TRPC4AP: variants seen among roughly 807,000 people sequenced by gnomAD.
The protein encoded by TRPC4AP is short transient receptor potential channel 4-associated protein.
In TRPC4AP, 45 loss-of-function variants were observed where a neutral mutation model predicts 99.0. The ratio of observed to expected loss-of-function variants is 0.45; its 90% CI spans 0.36 to 0.58. The LOEUF is 0.58. Among genes scored for constraint, TRPC4AP ranks in the 20% least tolerant of loss-of-function variants. TRPC4AP has a pLI of 0.00. For synonymous variants in TRPC4AP, 408 were observed against 385.8 expected (o/e 1.06, Z -0.67); for missense variants, 879 against 985.3 (o/e 0.89, Z 1.44).
At chr20:35,043,409 G>A (rs2083486060) in intron 7 of TRPC4AP, among the ~76,000 whole-genome samples, 1 of 152,072 alleles carries the variant, frequency 6.6e-6, no homozygotes, top group South Asian at 2.1e-4. Context: ...ACCACACCCA[G>A]CTAATTTTTG....
At position 35,034,000 on chromosome 20, in the gene TRPC4AP, C is replaced by T. The variant is rs1195581749; in HGVS notation, c.1051+1123G>A. Among the ~76,000 whole-genome samples the T allele has an allele frequency of 1.7e-4, 9 of 53,206 alleles. 3 individuals are homozygous for T. Among genetic ancestry groups the T allele is most frequent in the African/African-American group, 5.4e-4 (9 of 16,556 alleles). 34.9% of individuals were successfully genotyped at this position (53,206 alleles called of 152,430 possible). ...CTCTACTAAAAATACAAAAAATTAG[C>T]CGGGCGCGGTGGCGGGCGCCTGTAG... On this transcript the variant is annotated intron_variant, in intron 8 of 18. Transcript: ENST00000252015.
chr20:35,021,100 T>C, intron 9 of TRPC4AP, 90 bp downstream of exon 9: 1 of 1,435,422 alleles, frequency 7.0e-7, no homozygotes, highest in Non-Finnish European at 9.5e-7. Context: ...AGAGCCATTC[T>C]AACAGAAGGC....
At chr20:35,017,684 A>T (rs1272218126) in intron 9 of TRPC4AP, among the ~76,000 whole-genome samples, 2 of 152,214 alleles carry the variant, frequency 1.3e-5, no homozygotes, top group African/African-American at 4.8e-5. Context: ...TTTCTAGCCC[A>T]CTACAGGTAT....
rs1491112111 is a variant in TRPC4AP at position 35,086,428 on chromosome 20, CAT to C, written c.168+6184_168+6185del. 1.0e-3 allele frequency among the ~76,000 whole-genome samples: 124 copies of C among 118,998 alleles called. 1 individual carries two copies. The highest frequency in any genetic ancestry group is 2.4e-3 in the African/African-American group (79 of 32,558). 78.1% of individuals were successfully genotyped at this position (118,998 alleles called of 152,430 possible). ...GAAAACTTCCCATTGAAATGAATGGCATATGTGTGTGTGTGTGTGTGTGTGTG... is the reference window on the plus strand; with the variant it reads ...GAAAACTTCCCATTGAAATGAATGGCATGTGTGTGTGTGTGTGTGTGTGTG... On this transcript the variant is annotated intron_variant, in intron 1 of 18. Coordinates refer to ENST00000252015, the MANE Select transcript of TRPC4AP (RefSeq NM_015638.3).
At chr20:35,085,187 C>CA (rs2084805180) in intron 1 of TRPC4AP, among the ~76,000 whole-genome samples, 1 of 152,186 alleles carries the variant, frequency 6.6e-6, no homozygotes, top group South Asian at 2.1e-4. Flanking sequence ...GCAAAGCAGG[C>CA]AGGGCACTGC....
intron 6 of TRPC4AP, among the ~76,000 whole-genome samples, chr20:35,049,528 A>G (rs1301200559): frequency 1.3e-5 from 2 of 152,242 alleles, no homozygotes; most frequent in African/African-American, 4.8e-5. Context: ...AGCATACAAT[A>G]GCACATACAT....
chr20:35,066,654 T>C (rs2084152211), intron 3 of TRPC4AP, among the ~76,000 whole-genome samples: 1 of 152,024 alleles, frequency 6.6e-6, no homozygotes, highest in African/African-American at 2.4e-5. Flanking sequence ...TGTAAAATAT[T>C]AGAAGGAAAT....
intron 1 of TRPC4AP, among the ~76,000 whole-genome samples, chr20:35,089,931 G>A (rs897907081): frequency 6.6e-6 from 1 of 151,506 alleles, no homozygotes; most frequent in Non-Finnish European, 1.5e-5. Context: ...GGTAATCTGG[G>A]CAACAGAGCA....
At position 35,057,653 on chromosome 20, in the gene TRPC4AP, C is replaced by T. The variant is rs558041659; in HGVS notation, c.415-82G>A. On this transcript the variant is annotated intron_variant, in intron 3 of 18. Transcript: ENST00000252015. Reference sequence around the variant, plus strand: ...TGATTTTGCCATAACCATTCATGGCCCATGTATCTGTCACAGTATTACAAG... The same window carrying T: ...TGATTTTGCCATAACCATTCATGGCTCATGTATCTGTCACAGTATTACAAG... The T allele has an allele frequency of 1.2e-5, 13 of 1,129,556 alleles. No individual in the cohort carries two copies. In the African/African-American group the frequency reaches 2.0e-4, roughly 18 times the overall value. 70.0% of individuals were successfully genotyped at this position (1,129,556 alleles called of 1,614,324 possible). A position where few individuals can be genotyped will look rare whatever the true frequency, so the allele number is the denominator to read the frequency against.
rs1416123441 is a variant in TRPC4AP, at chr20:35,078,223, T to C, written c.169-49A>G. ...CATATTATTGTATTATTGATGATAA[T>C]AGCTGATACGGCAAAGGAGAGCAGC... On this transcript the variant is annotated intron_variant, in intron 1 of 18. Transcript: ENST00000252015. 7.6e-6 allele frequency: 12 copies of C among 1,584,240 alleles called. No individual in the cohort carries two copies. The South Asian group carries it at 7.9e-5, about 10-fold the overall frequency.
chr20:35,080,903 C>T (rs548787500), intron 1 of TRPC4AP, among the ~76,000 whole-genome samples: 18 of 151,546 alleles, frequency 1.2e-4, no homozygotes, highest in African/African-American at 4.4e-4. Context: ...AATAAAGCTG[C>T]TATAAAAACT....
At chr20:35,017,506 G>A (rs2082782282) in intron 9 of TRPC4AP, among the ~76,000 whole-genome samples, 1 of 152,132 alleles carries the variant, frequency 6.6e-6, no homozygotes, top group Admixed American at 6.5e-5. Context: ...GCCCTTCTCG[G>A]GGCTGTTGTA....
At position 35,016,290 on chromosome 20, in the gene TRPC4AP, T is replaced by G. The variant is rs535290514; in HGVS notation, c.1219-151A>C. 3 of 875,512 alleles carry G rather than the reference T, an allele frequency of 3.4e-6. No homozygotes were observed. The Admixed American group carries it at 7.0e-5, about 20-fold the overall frequency. 54.2% of individuals were successfully genotyped at this position (875,512 alleles called of 1,614,324 possible). ...AGGGTCTGAAGAAAACATCCGTGTA[T>G]CCCCTATGCCCAGCACACACAAACC... On this transcript the variant is annotated intron_variant, in intron 9 of 18. Coordinates refer to ENST00000252015, the MANE Select transcript of TRPC4AP (RefSeq NM_015638.3).
chr20:35,071,084 AT>A (rs1345462448), intron 2 of TRPC4AP, among the ~76,000 whole-genome samples: 6 of 152,304 alleles, frequency 3.9e-5, no homozygotes, highest in South Asian at 4.1e-4. Context: ...AGCTATAATT[AT>A]TTCTATCAGA....
chr20:35,029,628 CTTTTTTTTTTTT>C (rs35372826), intron 8 of TRPC4AP, among the ~76,000 whole-genome samples: 5 of 39,374 alleles, frequency 1.3e-4, no homozygotes, highest in Admixed American at 9.1e-4. Flanking sequence ...AAGTTACTTT[CTTTTTTTTTTTT>C]TTTTTTTTTT....
intron 8 of TRPC4AP, among the ~76,000 whole-genome samples, chr20:35,034,590 G>C (rs528402993): frequency 5.9e-5 from 9 of 152,186 alleles, no homozygotes; most frequent in African/African-American, 2.2e-4. Flanking sequence ...TGGGAGCTGA[G>C]AATTCCTGGG....
Position 35,044,490 on chromosome 20 carries a change from A to T in TRPC4AP, c.865+15T>A. ...GAGCTATAATCTCAAAATTCTGAGAACTTGGAGACTTTACCTTGATTGATT... is the reference window on the plus strand; with the variant it reads ...GAGCTATAATCTCAAAATTCTGAGATCTTGGAGACTTTACCTTGATTGATT... On this transcript the variant is annotated intron_variant, in intron 7 of 18. Coordinates refer to ENST00000252015, the MANE Select transcript of TRPC4AP (RefSeq NM_015638.3). 1.9e-6 allele frequency: 3 copies of T among 1,608,834 alleles called. 1 individual carries two copies. In the South Asian group the frequency reaches 3.3e-5, roughly 18 times the overall value.
intron 9 of TRPC4AP, among the ~76,000 whole-genome samples, chr20:35,019,046 T>G (rs1163554953): frequency 6.6e-6 from 1 of 152,198 alleles, no homozygotes; most frequent in East Asian, 1.9e-4. Context: ...GCCTTTCCAG[T>G]CCTGAGATTT....
intron 8 of TRPC4AP, among the ~76,000 whole-genome samples, chr20:35,031,428 G>GT (rs1351154700): frequency 2.1e-5 from 3 of 143,060 alleles, no homozygotes; most frequent in African/African-American, 8.1e-5. Context: ...AAGAGATGGG[G>GT]TTTTGCCACA....
Sources: gnomAD v4.1 joint callset for allele counts (sites outside exome capture counted in the v4.1 genomes callset) on GRCh38, gnomAD v4.1.1 for gene constraint, MANE v1.5 for transcripts, NCBI Gene and HGNC (gene_info 2026-07-23, HGNC 2026-07-21) for gene names.